The following ARHGAP44 variants were observed in gnomAD, a reference collection of about 807,000 sequenced individuals.
The protein encoded by ARHGAP44 is Rho GTPase activating protein 44, also known as rho GTPase-activating protein 44.
A neutral mutation model predicts 106.8 loss-of-function variants in ARHGAP44; 43 were observed. That is an observed-to-expected ratio of 0.40 (90% CI 0.32 to 0.52). The LOEUF (loss-of-function observed/expected upper bound fraction) is 0.52, where lower values mean the gene tolerates loss of function less well. Ranked by LOEUF, ARHGAP44 falls within the 20% of genes least tolerant of loss-of-function variation. The pLI, the probability that ARHGAP44 is intolerant of heterozygous loss-of-function variation, is 0.48. For synonymous variants in ARHGAP44, 439 were observed against 410.3 expected (o/e 1.07, Z -0.85); for missense variants, 866 against 1,050.5 (o/e 0.82, Z 2.43).
intron 1 of ARHGAP44, among the ~76,000 whole-genome samples, chr17:12,852,107 G>A (rs1255974885): frequency 6.7e-6 from 1 of 148,738 alleles, no homozygotes; most frequent in Non-Finnish European, 1.5e-5. Flanking sequence ...AAGCTTGCCT[G>A]CAAGGCTATC....
rs2040085782 is a variant in ARHGAP44 at position 12,990,076 on chromosome 17, T to C, written c.2362T>C (p.Ser788Pro). 6.2e-7 allele frequency: 1 copy of C among 1,612,504 alleles called. No homozygotes were observed. Among genetic ancestry groups the C allele is most frequent in the Admixed American group, 1.7e-5 (1 of 59,986 alleles). The change falls in exon 21 of 21, where the codon TCG becomes CCG. Residue 788 changes from serine to proline, a missense_variant. Physicochemically the swap from Ser to Pro is moderately conservative, Grantham distance 74. This residue lies in a region of ARHGAP44 where 418 missense variants were observed against 403.6 expected (regional missense o/e 1.04). Coordinates refer to ENST00000379672, the MANE Select transcript of ARHGAP44 (RefSeq NM_014859.6). ...TCCCTCGATCCACATAGAGCTCGGG[T>C]CGACGCTCCGCCTGAGTCCCCTGGA... ...DIPSIHIELG[S>P]TLRLSPLEHM...
chr17:12,873,167 A>T (rs1222006603), intron 1 of ARHGAP44, among the ~76,000 whole-genome samples: 1 of 151,394 alleles, frequency 6.6e-6, no homozygotes, highest in East Asian at 1.9e-4. Context: ...TTGTCCCCTA[A>T]TTCCCATGAG....
At chr17:12,839,517 G>A (rs1016705658) in intron 1 of ARHGAP44, among the ~76,000 whole-genome samples, 1 of 152,144 alleles carries the variant, frequency 6.6e-6, no homozygotes, top group Admixed American at 6.5e-5. Context: ...AAACTGATGA[G>A]ACTTGGTCTC....
intron 3 of ARHGAP44, 56 bp downstream of exon 3, chr17:12,896,567 C>A: frequency 6.9e-7 from 1 of 1,458,278 alleles, no homozygotes; most frequent in South Asian, 1.2e-5. Context: ...GGACAAGGTT[C>A]CTACTCCTGT....
chr17:12,972,295 A>G (rs1278617845), intron 16 of ARHGAP44, among the ~76,000 whole-genome samples: 1 of 152,212 alleles, frequency 6.6e-6, no homozygotes, highest in Non-Finnish European at 1.5e-5. Flanking sequence ...TGACAGCAGC[A>G]GTACCTCCTA....
At chr17:12,950,429 C>G (rs1006807502) in intron 12 of ARHGAP44, among the ~76,000 whole-genome samples, 3 of 152,166 alleles carry the variant, frequency 2.0e-5, no homozygotes, top group Non-Finnish European at 2.9e-5. Context: ...AGGGCTGTAG[C>G]AGTGTGTCGG....
chr17:12,844,163 C>G (rs149356677), intron 1 of ARHGAP44, among the ~76,000 whole-genome samples: 1 of 150,130 alleles, frequency 6.7e-6, no homozygotes, highest in Non-Finnish European at 1.5e-5. Context: ...GTAGAGCTCA[C>G]TCATCTTTTT....
At chr17:12,979,995 A>G (rs1015451621) in intron 18 of ARHGAP44, 63 bp from the exon 19 acceptor site, 1 of 1,499,934 alleles carries the variant, frequency 6.7e-7, no homozygotes, top group Non-Finnish European at 8.9e-7. Flanking sequence ...GCCATCGGCA[A>G]GGCTGGTGCT....
intron 1 of ARHGAP44, among the ~76,000 whole-genome samples, chr17:12,801,429 C>T (rs982768286): frequency 6.6e-6 from 1 of 152,184 alleles, no homozygotes; most frequent in Admixed American, 6.5e-5. Flanking sequence ...AGGTGAGTGC[C>T]TTGTTGCTGC....
In ARHGAP44 at chr17:12,922,533, G is replaced by A. The variant is rs192109083; in HGVS notation, c.464+2702G>A. ...AGTGACATCCTTCTCTGAAACCTGG[G>A]GCTTAGCTCTGAAGTCTTTTCTTTG... On this transcript the variant is annotated intron_variant, in intron 6 of 20. Transcript: ENST00000379672. Among the ~76,000 whole-genome samples, 252 of 152,274 alleles carry A rather than the reference G, an allele frequency of 1.7e-3. 1 individual carries two copies. Among genetic ancestry groups the A allele is most frequent in the Non-Finnish European group, 1.9e-3 (130 of 68,020 alleles).
rs141330289 is a variant in ARHGAP44, at chr17:12,929,493, T to C, written c.582+447T>C. ...TCCTATGCCTCCTGGAAGACACTTA[T>C]CTATGAAGTTGAAATGCTAGCCATG... On this transcript the variant is annotated intron_variant, in intron 7 of 20. Coordinates refer to ENST00000379672, the MANE Select transcript of ARHGAP44 (RefSeq NM_014859.6). 723 of 154,468 alleles carry C rather than the reference T, an allele frequency of 4.7e-3. 5 individuals are homozygous for C. The highest frequency in any genetic ancestry group is 7.6e-3 in the Non-Finnish European group (524 of 69,264). 9.6% of individuals were successfully genotyped at this position (154,468 alleles called of 1,614,324 possible). A position where few individuals can be genotyped will look rare whatever the true frequency, so the allele number is the denominator to read the frequency against.
chr17:12,896,303 T>A (rs2037203366), intron 2 of ARHGAP44, 104 bp from the exon 3 acceptor site: 1 of 897,486 alleles, frequency 1.1e-6, no homozygotes, highest in Non-Finnish European at 1.7e-6. Flanking sequence ...TCTCCAGGAG[T>A]CCTTGTCTCC....
chr17:12,877,670 A>T (rs1302091138), intron 1 of ARHGAP44, among the ~76,000 whole-genome samples: 1 of 152,130 alleles, frequency 6.6e-6, no homozygotes, highest in Non-Finnish European at 1.5e-5. Flanking sequence ...GAATGGCATG[A>T]ACCCGGGAGG....
intron 1 of ARHGAP44, among the ~76,000 whole-genome samples, chr17:12,820,614 T>G (rs905612401): frequency 6.6e-6 from 1 of 152,146 alleles, no homozygotes. Flanking sequence ...GAGTGAGAGA[T>G]AGACCATATA....
chr17:12,943,005 A>G (rs1238035419), intron 8 of ARHGAP44, among the ~76,000 whole-genome samples: 1 of 152,244 alleles, frequency 6.6e-6, no homozygotes, highest in African/African-American at 2.4e-5. Flanking sequence ...CAAAAGATGT[A>G]TACAAGTTAA....
intron 16 of ARHGAP44, among the ~76,000 whole-genome samples, chr17:12,970,381 A>AG (rs3076702): frequency 0.23 from 32,007 of 140,926 alleles, 4,333 homozygotes; most frequent in Admixed American, 0.29. Flanking sequence ...AAAAAAAAAA[A>AG]AAAAAAAGAA....
intron 16 of ARHGAP44, among the ~76,000 whole-genome samples, chr17:12,964,437 A>G (rs1051461219): frequency 6.6e-6 from 1 of 152,204 alleles, no homozygotes; most frequent in Non-Finnish European, 1.5e-5. Context: ...GAGCCTGGAC[A>G]AGCTGGGCCA....
At position 12,789,711 on chromosome 17, in the gene ARHGAP44, C is replaced by G. The variant is rs986761689; in HGVS notation, c.-128C>G. The G allele has an allele frequency of 3.7e-6, 3 of 808,650 alleles. No homozygotes were observed. Among genetic ancestry groups the G allele is most frequent in the African/African-American group, 1.8e-5 (1 of 54,944 alleles). The allele number at this position is 808,650 out of a possible 1,614,324, so 50.1% of individuals were successfully genotyped here. A position where few individuals can be genotyped will look rare whatever the true frequency, so the allele number is the denominator to read the frequency against. On this transcript the variant is annotated 5_prime_UTR_variant, in exon 1 of 21. Coordinates refer to ENST00000379672, the MANE Select transcript of ARHGAP44 (RefSeq NM_014859.6). ...GGAGCTGCGCGCGGGCCAGACGGCG[C>G]CCGGAGGCTCCGCAGTGCCGCCGCC...
rs948157877 is a variant in ARHGAP44, at chr17:12,936,894, T to G, written c.583-4162T>G. Reference sequence around the variant, plus strand: ...GGATTTTGGCCATTTCAATTAAGGTTCTGATCCTTGTTCAGTCTGTTTTTT... The same window carrying G: ...GGATTTTGGCCATTTCAATTAAGGTGCTGATCCTTGTTCAGTCTGTTTTTT... On this transcript the variant is annotated intron_variant, in intron 7 of 20. Transcript: ENST00000379672. Among the ~76,000 whole-genome samples, 62 of 152,242 alleles carry G rather than the reference T, an allele frequency of 4.1e-4. 1 individual carries two copies. The highest frequency in any genetic ancestry group is 1.3e-4 in the Non-Finnish European group (9 of 68,036).
Sources: allele counts gnomAD v4.1 joint callset (sites outside exome capture counted in the v4.1 genomes callset), GRCh38; gene constraint gnomAD v4.1.1; regional missense constraint gnomAD v4.1.1; transcripts MANE v1.5; gene names NCBI Gene and HGNC (gene_info 2026-07-23, HGNC 2026-07-21).